GALNT13: variants seen among roughly 807,000 people sequenced by gnomAD.
GALNT13 encodes UDP-GalNAc:polypeptide N-acetylgalactosaminyltransferase 13.
In GALNT13, 28 loss-of-function variants were observed where a neutral mutation model predicts 64.2. That is an observed-to-expected ratio of 0.44 (90% CI 0.32 to 0.60). The LOEUF is 0.60. Among genes scored for constraint, GALNT13 ranks in the 20% least tolerant of loss-of-function variants. The pLI is 0.05. For synonymous variants in GALNT13, 214 were observed against 224.6 expected, an observed-to-expected ratio of 0.95 and a Z score of 0.42; for missense variants, 577 against 669.8, an observed-to-expected ratio of 0.86 and a Z score of 1.53.
chr2:153,485,842 G>A, the GALNT13 span, among the ~76,000 whole-genome samples: 1 of 152,238 alleles, frequency 6.6e-6, no homozygotes, highest in Non-Finnish European at 1.5e-5. Context: ...TGAGGCTGCA[G>A]TGAGCTGTGA....
the GALNT13 span, among the ~76,000 whole-genome samples, chr2:153,396,861 AG>A: frequency 6.6e-6 from 1 of 152,174 alleles, no homozygotes; most frequent in Non-Finnish European, 1.5e-5. Flanking sequence ...GACCTTTGCC[AG>A]CCATTTGTGT....
chr2:153,320,188 A>T, the GALNT13 span, among the ~76,000 whole-genome samples: 1 of 152,188 alleles, frequency 6.6e-6, no homozygotes, highest in Non-Finnish European at 1.5e-5. Context: ...GGAAAAAGTG[A>T]CACTTTTCTT....
chr2:154,411,714 T>G (rs1699804549), intron 11 of GALNT13, among the ~76,000 whole-genome samples: 1 of 151,688 alleles, frequency 6.6e-6, no homozygotes, highest in South Asian at 2.1e-4. Context: ...GAAAAGAAAT[T>G]TTCCTTTTTA....
chr2:154,392,920 T>C (rs1396452852), intron 9 of GALNT13, among the ~76,000 whole-genome samples: 2 of 152,146 alleles, frequency 1.3e-5, no homozygotes, highest in East Asian at 1.9e-4. Flanking sequence ...GAGGATATAT[T>C]GTGAAGTAGA....
the GALNT13 span, among the ~76,000 whole-genome samples, chr2:153,400,267 G>C: frequency 6.6e-6 from 1 of 151,952 alleles, no homozygotes; most frequent in Non-Finnish European, 1.5e-5. Flanking sequence ...GCATCCCAGG[G>C]ATGAAGCCCA....
At chr2:154,319,568 G>A (rs1694511375) in intron 9 of GALNT13, among the ~76,000 whole-genome samples, 1 of 151,878 alleles carries the variant, frequency 6.6e-6, no homozygotes, top group African/African-American at 2.4e-5. Context: ...GGGAAGCTGA[G>A]GCAGGAGAAT....
chr2:153,358,595 G>A, the GALNT13 span, among the ~76,000 whole-genome samples: 1 of 152,024 alleles, frequency 6.6e-6, no homozygotes, highest in Admixed American at 6.5e-5. Context: ...TTTTCCTGAG[G>A]TAGGTCCTAG....
intron 8 of GALNT13, among the ~76,000 whole-genome samples, chr2:154,261,719 T>G (rs558722455): frequency 6.6e-6 from 1 of 152,236 alleles, no homozygotes; most frequent in South Asian, 2.1e-4. Flanking sequence ...ATGACAGAGA[T>G]GCGTAGGTGT....
chr2:153,407,188 C>T, the GALNT13 span, among the ~76,000 whole-genome samples: 1 of 152,142 alleles, frequency 6.6e-6, no homozygotes, highest in African/African-American at 2.4e-5. Flanking sequence ...TACAAATTCT[C>T]AGGCCCTACC....
At chr2:153,599,161 G>T in the GALNT13 span, among the ~76,000 whole-genome samples, 2 of 152,018 alleles carry the variant, frequency 1.3e-5, no homozygotes, top group African/African-American at 4.8e-5. Context: ...CTGGCAGAGT[G>T]TAAAGCTTCA....
At chr2:153,744,857 G>A in the GALNT13 span, among the ~76,000 whole-genome samples, 1 of 152,160 alleles carries the variant, frequency 6.6e-6, no homozygotes, top group Admixed American at 6.6e-5. Flanking sequence ...ATGTCAGACT[G>A]AGAGTATCTT....
chr2:153,162,214 A>G, the GALNT13 span, among the ~76,000 whole-genome samples: 1 of 152,210 alleles, frequency 6.6e-6, no homozygotes, highest in Non-Finnish European at 1.5e-5. Flanking sequence ...ACATGTTCAA[A>G]GAGCCATTTC....
chr2:153,154,908 C>A, the GALNT13 span, among the ~76,000 whole-genome samples: 2 of 152,022 alleles, frequency 1.3e-5, no homozygotes, highest in Non-Finnish European at 2.9e-5. Context: ...TCCTTCAGTA[C>A]CTAGCTTATT....
At chr2:153,657,214 A>G in the GALNT13 span, among the ~76,000 whole-genome samples, 1 of 152,092 alleles carries the variant, frequency 6.6e-6, no homozygotes, top group South Asian at 2.1e-4. Flanking sequence ...CAGGTTTTTG[A>G]TAGGAAATCC....
intron 1 of GALNT13, among the ~76,000 whole-genome samples, chr2:153,896,964 C>A (rs963981678): frequency 2.0e-5 from 3 of 152,080 alleles, no homozygotes; most frequent in African/African-American, 7.2e-5. Context: ...TGTTCAGATT[C>A]AACAGTTGTT....
intron 4 of GALNT13, among the ~76,000 whole-genome samples, chr2:154,157,597 C>T (rs1013041318): frequency 1.3e-5 from 2 of 152,298 alleles, no homozygotes; most frequent in East Asian, 1.9e-4. Flanking sequence ...CAAAATACTT[C>T]TCTAGCGAAT....
chr2:154,362,070 G>C (rs1420943879), intron 9 of GALNT13, among the ~76,000 whole-genome samples: 2 of 151,648 alleles, frequency 1.3e-5, no homozygotes, highest in Non-Finnish European at 2.9e-5. Flanking sequence ...ACATAGAAGA[G>C]TAAAGAACAA....
the GALNT13 span, among the ~76,000 whole-genome samples, chr2:153,540,243 C>T: frequency 2.0e-5 from 3 of 152,200 alleles, no homozygotes; most frequent in Admixed American, 6.5e-5. Flanking sequence ...CAGTCCATGG[C>T]TTCAGAGGGT....
the GALNT13 span, among the ~76,000 whole-genome samples, chr2:153,265,138 T>C: frequency 6.6e-6 from 1 of 152,232 alleles, no homozygotes; most frequent in South Asian, 2.1e-4. Flanking sequence ...CTGTTTGAGG[T>C]TGGGGAAGGG....
Sources: gnomAD v4.1 joint callset for allele counts (sites outside exome capture counted in the v4.1 genomes callset) on GRCh38, gnomAD v4.1.1 for gene constraint, MANE v1.5 for transcripts, NCBI Gene and HGNC (gene_info 2026-07-23, HGNC 2026-07-21) for gene names.